The following SPACA6 variants were observed in gnomAD, a reference collection of about 807,000 sequenced individuals.
SPACA6 encodes the protein sperm acrosome membrane-associated protein 6.
For missense variants in SPACA6, 8 were observed against 2.8 expected (o/e 2.88, Z -1.34); for synonymous variants, 6 against 1.5 (o/e 4.05, Z -2.21).
At chr19:51,712,632 G>C (rs956228019), downstream of SPACA6, among the ~76,000 whole-genome samples, 1 of 152,200 alleles carries the variant, frequency 6.6e-6, no homozygotes, top group African/African-American at 2.4e-5. Context: ...TTGGAGCACA[G>C]ACAGGTCACC....
downstream of SPACA6, among the ~76,000 whole-genome samples, chr19:51,707,825 T>C (rs186750636): frequency 1.3e-5 from 2 of 152,100 alleles, no homozygotes; most frequent in East Asian, 3.9e-4. Context: ...TATTTACTGG[T>C]TTATTATAAA....
At chr19:51,690,166 CAGATCTG>C (rs2083357492), upstream of SPACA6, among the ~76,000 whole-genome samples, 1 of 151,796 alleles carries the variant, frequency 6.6e-6, no homozygotes, top group African/African-American at 2.4e-5. Flanking sequence ...CCTCCTCCCT[CAGATCTG>C]GGAGTACACC....
At chr19:51,693,082 C>A, upstream of SPACA6, 1 of 362,470 alleles carries the variant, frequency 2.8e-6, no homozygotes. Flanking sequence ...CACAGTGGAT[C>A]CTCTGACTCC....
At chr19:51,708,877 T>C (rs1215939184), downstream of SPACA6, among the ~76,000 whole-genome samples, 1 of 149,132 alleles carries the variant, frequency 6.7e-6, no homozygotes, top group Admixed American at 6.7e-5. Context: ...AAAAAACTGT[T>C]CCAGGCAAAA....
At chr19:51,701,328 G>T (rs1047789327) in intron 2 of SPACA6, among the ~76,000 whole-genome samples, 1 of 152,142 alleles carries the variant, frequency 6.6e-6, no homozygotes, top group Non-Finnish European at 1.5e-5. Flanking sequence ...TGAGGAATTT[G>T]ATCTTTATCC....
chr19:51,685,658 T>A (rs2083324982), upstream of SPACA6: 1 of 152,136 alleles, frequency 6.6e-6, no homozygotes, highest in African/African-American at 2.4e-5. Flanking sequence ...AGAAGAAGCA[T>A]GCATCACCAT....
At chr19:51,692,529 G>A (rs1441870399), upstream of SPACA6, 3 of 459,854 alleles carry the variant, frequency 6.5e-6, no homozygotes, top group East Asian at 1.2e-4. This position sits in a 1 kb window ranked among gnomAD's most constrained non-coding sequence, Gnocchi z 5.6. Context: ...TGACTCCAGG[G>A]TCCCTGATGA....
Position 51,704,119 on chromosome 19 carries a change from C to T in SPACA6, c.663C>T (p.Arg221=), listed in dbSNP as rs1297569618. ...ARIRPAQLTH[R]GTFSCVIKQD... ...TCCGGCCGGCTCAGCTCACGCACCGCGGGACGTTCTCCTGCGTGATCAAGC... is the reference window on the plus strand; with the variant it reads ...TCCGGCCGGCTCAGCTCACGCACCGTGGGACGTTCTCCTGCGTGATCAAGC... The change falls in exon 7 of 9, where the codon CGC becomes CGT. Residue 221 remains arginine, a synonymous_variant. Coordinates refer to ENST00000637797, the MANE Select transcript of SPACA6 (RefSeq NM_001316972.2). 1 of 401,146 alleles carries T rather than the reference C, an allele frequency of 2.5e-6. No homozygotes were observed. Among genetic ancestry groups the T allele is most frequent in the East Asian group, 3.6e-5 (1 of 28,048 alleles). 24.8% of individuals were successfully genotyped at this position (401,146 alleles called of 1,614,324 possible). A position where few individuals can be genotyped will look rare whatever the true frequency, so the allele number is the denominator to read the frequency against.
At position 51,703,108 on chromosome 19, in the gene SPACA6, CG is replaced by C; in HGVS notation, c.463+14del. 2.5e-6 allele frequency: 1 copy of C among 399,548 alleles called. No individual in the cohort carries two copies. Among genetic ancestry groups the C allele is most frequent in the Non-Finnish European group, 4.4e-6 (1 of 226,414 alleles). 24.8% of individuals were successfully genotyped at this position (399,548 alleles called of 1,614,324 possible). Reference sequence around the variant, plus strand: ...CCGCTGGACTGCCCAGGTGAGGGGGCGGGGCCTCGGGGTGCAGGAGGCCAAC... The same window carrying C: ...CCGCTGGACTGCCCAGGTGAGGGGGCGGGCCTCGGGGTGCAGGAGGCCAAC... On this transcript the variant is annotated intron_variant, in intron 5 of 8. Coordinates refer to ENST00000637797, the MANE Select transcript of SPACA6 (RefSeq NM_001316972.2). The surrounding 1 kb of genome is among the most constrained non-coding windows in gnomAD (Gnocchi z 4.2).
chr19:51,689,790 G>A (rs552390089), upstream of SPACA6, among the ~76,000 whole-genome samples: 3 of 151,842 alleles, frequency 2.0e-5, no homozygotes, highest in East Asian at 5.9e-4. Context: ...GAAGGCTGGG[G>A]ACACTTCCTG....
chr19:51,701,741 ATC>A lies in SPACA6; in HGVS notation c.361+20_361+21del. 1 of 398,464 alleles carries A rather than the reference ATC, an allele frequency of 2.5e-6. No homozygotes were observed. The highest frequency in any genetic ancestry group is 4.4e-6 in the Non-Finnish European group (1 of 225,682). The allele number at this position is 398,464 out of a possible 1,614,324, so 24.7% of individuals were successfully genotyped here. On this transcript the variant is annotated intron_variant, in intron 3 of 8. Coordinates refer to ENST00000637797, the MANE Select transcript of SPACA6 (RefSeq NM_001316972.2). ...GCTTAAAGAAGGTAAAATACACTCC[ATC>A]TCTCCTTCCCCAGACACACACACAC... is the stretch of plus-strand genomic sequence containing the variant.
chr19:51,685,131 C>A (rs1038362493), upstream of SPACA6, among the ~76,000 whole-genome samples: 4 of 152,136 alleles, frequency 2.6e-5, no homozygotes, highest in African/African-American at 4.8e-5. Flanking sequence ...TCTACCAGTT[C>A]CTGTTTCAGG....
At chr19:51,690,351 G>C (rs1288623748), upstream of SPACA6, among the ~76,000 whole-genome samples, 1 of 151,978 alleles carries the variant, frequency 6.6e-6, no homozygotes, top group Non-Finnish European at 1.5e-5. Flanking sequence ...CCCAAGGAGC[G>C]CGGCCCCCAA....
chr19:51,699,164 C>T (rs1327813728), intron 2 of SPACA6, among the ~76,000 whole-genome samples: 1 of 152,174 alleles, frequency 6.6e-6, no homozygotes, highest in Non-Finnish European at 1.5e-5. Flanking sequence ...CACACCATCA[C>T]ACCTGGCTAA....
At chr19:51,686,770 T>C (rs1004386245), upstream of SPACA6, 3 of 152,216 alleles carry the variant, frequency 2.0e-5, no homozygotes, top group African/African-American at 7.2e-5. Context: ...GGGATAATAA[T>C]AGTTTCTAAT....
chr19:51,694,480 T>C lies in SPACA6; in HGVS notation c.217T>C (p.Tyr73His). ...CCTGCTCCCTCCCTCACCGCCAGACTATGATGAGAGAAGCCACCTGCATGA... is the reference window on the plus strand; with the variant it reads ...CCTGCTCCCTCCCTCACCGCCAGACCATGATGAGAGAAGCCACCTGCATGA... ...FQGLSDTEIN[Y>H]DERSHLHDTF... Residue 73 changes from tyrosine (Y) to histidine (H), a missense_variant and splice_region_variant, in exon 2 of 9, where the codon TAT becomes CAT. Coordinates refer to ENST00000637797, the MANE Select transcript of SPACA6 (RefSeq NM_001316972.2). 1 of 399,726 alleles carries C rather than the reference T, an allele frequency of 2.5e-6. No individual in the cohort carries two copies. Among genetic ancestry groups the C allele is most frequent in the Non-Finnish European group, 4.4e-6 (1 of 226,568 alleles). 24.8% of individuals were successfully genotyped at this position (399,726 alleles called of 1,614,324 possible). A position where few individuals can be genotyped will look rare whatever the true frequency, so the allele number is the denominator to read the frequency against.
Position 51,693,555 on chromosome 19 carries a change from TC to T in SPACA6, c.32del (p.Pro11ArgfsTer76), listed in dbSNP as rs2083394975. ...GCCCTGCTGGCTCTGGCCAGTGCCG[TC>T]CCGTCTGCCCTGCTGGCCCTGGCTG... MALLALASAVPSALLALAVF... is the reference protein window; with the variant it reads MALLALASAXPSALLALAVF... On this transcript the variant is annotated frameshift_variant, in exon 1 of 9. Transcript: ENST00000637797. LOFTEE classifies it high-confidence loss of function. 2.1e-6 allele frequency: 1 copy of T among 467,904 alleles called. No homozygotes were observed. The highest frequency in any genetic ancestry group is 3.1e-5 in the East Asian group (1 of 32,626). The allele number at this position is 467,904 out of a possible 1,614,324, so 29.0% of individuals were successfully genotyped here.
At chr19:51,690,094 TGGA>T (rs915220054), upstream of SPACA6, among the ~76,000 whole-genome samples, 4 of 151,036 alleles carry the variant, frequency 2.6e-5, no homozygotes, top group East Asian at 4.0e-4. Context: ...AGGAGATGTC[TGGA>T]GGAGGAGAGG....
intron 1 of SPACA6, chr19:51,694,141 T>C (rs933368554): frequency 3.9e-6 from 1 of 255,412 alleles, no homozygotes; most frequent in Non-Finnish European, 7.0e-6. Context: ...TCAGGAGAGG[T>C]TGGAGACTGG....
Sources: allele counts gnomAD v4.1 joint callset (sites outside exome capture counted in the v4.1 genomes callset), GRCh38; gene constraint gnomAD v4.1.1; non-coding constraint Gnocchi (gnomAD v3.1); transcripts MANE v1.5; gene names NCBI Gene and HGNC (gene_info 2026-07-23, HGNC 2026-07-21).